Variants in NT5E observed in about 807,000 individuals in gnomAD.
The protein encoded by NT5E is 5'-nucleotidase.
Under a neutral mutation model 55.1 loss-of-function variants are expected in NT5E, and 53 were observed. The observed-to-expected ratio is 0.96, with a 90% confidence interval of 0.77 to 1.21. The LOEUF is 1.21. Among genes scored for constraint, NT5E ranks in the 50% most tolerant of loss-of-function variants. The pLI is 0.00. For synonymous variants in NT5E, 270 were observed against 278.4 expected (o/e 0.97, Z 0.30); for missense variants, 683 against 724.3 (o/e 0.94, Z 0.65).
chr6:85,458,465 C>G (rs1054764695), intron 1 of NT5E, among the ~76,000 whole-genome samples: 4 of 152,206 alleles, frequency 2.6e-5, no homozygotes, highest in African/African-American at 9.7e-5. Flanking sequence ...CTCAGCTCAT[C>G]TTGTCCTCGT....
intron 3 of NT5E, among the ~76,000 whole-genome samples, chr6:85,481,991 C>T (rs538086836): frequency 6.6e-6 from 1 of 152,238 alleles, no homozygotes; most frequent in African/African-American, 2.4e-5. Flanking sequence ...GAGAAGTAGA[C>T]AGATAAAAGG....
chr6:85,486,798 A>T (rs1393004205), intron 4 of NT5E, among the ~76,000 whole-genome samples: 2 of 152,254 alleles, frequency 1.3e-5, no homozygotes. Context: ...GAGTAAAAAT[A>T]CATTTTTATA....
intron 7 of NT5E, among the ~76,000 whole-genome samples, chr6:85,491,700 A>G (rs1266343654): frequency 6.6e-6 from 1 of 152,210 alleles, no homozygotes; most frequent in African/African-American, 2.4e-5. Flanking sequence ...ATTTTAAGGG[A>G]AAAACAGAAA....
intron 3 of NT5E, among the ~76,000 whole-genome samples, chr6:85,484,397 C>T (rs1769607805): frequency 1.3e-5 from 2 of 152,180 alleles, no homozygotes; most frequent in South Asian, 4.1e-4. Context: ...TATGGCGACA[C>T]TCTCCACCCT....
At chr6:85,469,546 G>C (rs1769262900) in intron 2 of NT5E, among the ~76,000 whole-genome samples, 1 of 152,170 alleles carries the variant, frequency 6.6e-6, no homozygotes, top group African/African-American at 2.4e-5. Flanking sequence ...AAGTGCAGCA[G>C]GGGGGAAGGT....
chr6:85,493,978 G>T lies in NT5E; in HGVS notation c.1699G>T (p.Ala567Ser). The change falls in exon 9 of 9, where the codon GCA becomes TCA. Residue 567 changes from alanine to serine, a missense_variant. Coordinates refer to ENST00000257770, the MANE Select transcript of NT5E (RefSeq NM_002526.4). ...SFSLIFLSLWAVIFVLYQ is the reference protein window; with the variant it reads ...SFSLIFLSLWSVIFVLYQ ...TTCTTTAATATTTCTTTCACTTTGG[G>T]CAGTGATCTTTGTTTTATACCAATA... 6.2e-7 allele frequency: 1 copy of T among 1,613,942 alleles called. No individual in the cohort carries two copies. The highest frequency in any genetic ancestry group is 8.5e-7 in the Non-Finnish European group (1 of 1,179,970).
intron 5 of NT5E, among the ~76,000 whole-genome samples, chr6:85,488,585 T>C (rs1769716561): frequency 6.6e-6 from 1 of 151,996 alleles, no homozygotes; most frequent in Non-Finnish European, 1.5e-5. Flanking sequence ...AATTAATTAA[T>C]TTATTTATTT....
intron 1 of NT5E, among the ~76,000 whole-genome samples, chr6:85,466,708 GT>G (rs1399109053): frequency 6.6e-6 from 1 of 152,118 alleles, no homozygotes; most frequent in Non-Finnish European, 1.5e-5. Context: ...GAATCATGGG[GT>G]CTGAAATGTG....
At chr6:85,482,339 A>G (rs1286996763) in intron 3 of NT5E, among the ~76,000 whole-genome samples, 1 of 151,966 alleles carries the variant, frequency 6.6e-6, no homozygotes, top group Non-Finnish European at 1.5e-5. Flanking sequence ...ACCCTGTTGA[A>G]AGAGAGAAAA....
At chr6:85,469,180 C>T (rs1769254879) in intron 2 of NT5E, among the ~76,000 whole-genome samples, 1 of 152,208 alleles carries the variant, frequency 6.6e-6, no homozygotes, top group Non-Finnish European at 1.5e-5. Context: ...CTCCTCATGA[C>T]ATCTTGAAAT....
chr6:85,459,201 C>A (rs192691199), intron 1 of NT5E, among the ~76,000 whole-genome samples: 23 of 152,286 alleles, frequency 1.5e-4, no homozygotes, highest in Non-Finnish European at 3.4e-4. Flanking sequence ...TGGGCTCAAG[C>A]AATCATCCCT....
At chr6:85,452,251 A>C (rs1582365123) in intron 1 of NT5E, among the ~76,000 whole-genome samples, 1 of 152,184 alleles carries the variant, frequency 6.6e-6, no homozygotes, top group Non-Finnish European at 1.5e-5. Context: ...GACTTTGTAA[A>C]CTTTACTTTT....
intron 3 of NT5E, among the ~76,000 whole-genome samples, chr6:85,478,791 T>C (rs777540546): frequency 9.9e-5 from 15 of 151,674 alleles, no homozygotes; most frequent in Admixed American, 3.3e-4. Flanking sequence ...AGACCTACTA[T>C]GTTCTAGGGC....
intron 3 of NT5E, among the ~76,000 whole-genome samples, chr6:85,476,407 G>A (rs1472129653): frequency 6.6e-6 from 1 of 152,240 alleles, no homozygotes; most frequent in Non-Finnish European, 1.5e-5. Context: ...AGTGGGTGCA[G>A]AGGGTGGGAC....
In NT5E at chr6:85,450,337, C is replaced by G. The variant is rs2127752858; in HGVS notation, c.198C>G (p.Thr66=). ...TGGGTGGCGTGGCTCGGCTCTTCAC[C>G]AAGGTTCAGCAGATCCGCCGCGCCG... ...RCMGGVARLF[T]KVQQIRRAEP... Residue 66 remains threonine, a synonymous_variant, in exon 1 of 9, where the codon ACC becomes ACG. Coordinates refer to ENST00000257770, the MANE Select transcript of NT5E (RefSeq NM_002526.4). This position sits in a 1 kb window ranked among gnomAD's most constrained non-coding sequence, Gnocchi z 4.0. The G allele has an allele frequency of 6.3e-7, 1 of 1,596,684 alleles. No homozygotes were observed. The highest frequency in any genetic ancestry group is 2.3e-5 in the East Asian group (1 of 44,166).
At chr6:85,470,827 T>C (rs1769289358) in intron 2 of NT5E, among the ~76,000 whole-genome samples, 1 of 152,252 alleles carries the variant, frequency 6.6e-6, no homozygotes, top group African/African-American at 2.4e-5. Context: ...AGTTTTAAGT[T>C]TGAACACTGA....
chr6:85,483,478 G>A (rs1398105566), intron 3 of NT5E, among the ~76,000 whole-genome samples: 4 of 152,236 alleles, frequency 2.6e-5, no homozygotes, highest in Admixed American at 6.5e-5. Flanking sequence ...CACTGTCACA[G>A]ACAACATCTG....
At chr6:85,477,938 C>G (rs1249866141) in intron 3 of NT5E, among the ~76,000 whole-genome samples, 2 of 150,808 alleles carry the variant, frequency 1.3e-5, no homozygotes, top group African/African-American at 4.9e-5. Context: ...GAGGCAGGAG[C>G]ATCACTTGAG....
At position 85,450,498 on chromosome 6, in the gene NT5E, C is replaced by A; in HGVS notation, c.339+20C>A. The A allele has an allele frequency of 6.4e-7, 1 of 1,566,208 alleles. No homozygotes were observed. Among genetic ancestry groups the A allele is most frequent in the Non-Finnish European group, 8.7e-7 (1 of 1,154,406 alleles). On this transcript the variant is annotated intron_variant, in intron 1 of 8. Transcript: ENST00000257770. This position sits in a 1 kb window ranked among gnomAD's most constrained non-coding sequence, Gnocchi z 4.0. ...GCCATGGTAAGACCCGAGCCCGCGC[C>A]CGGGATAGTAGTCCCGGACTGAGAG...
Sources: allele counts gnomAD v4.1 joint callset (sites outside exome capture counted in the v4.1 genomes callset), GRCh38; gene constraint gnomAD v4.1.1; non-coding constraint Gnocchi (gnomAD v3.1); transcripts MANE v1.5; gene names NCBI Gene and HGNC (gene_info 2026-07-23, HGNC 2026-07-21).